Variants in MXI1 observed in about 807,000 individuals in gnomAD.
MXI1 encodes MAX interactor 1, dimerization protein.
MXI1 carries 18 observed loss-of-function variants against 36.9 expected under a neutral mutation model. The ratio of observed to expected loss-of-function variants is 0.49; its 90% CI spans 0.34 to 0.72. The LOEUF (loss-of-function observed/expected upper bound fraction) is 0.72, where lower values mean the gene tolerates loss of function less well. MXI1 is among the 30% of genes least tolerant of loss of function. The pLI, the probability that MXI1 is intolerant of heterozygous loss-of-function variation, is 0.01. For missense variants in MXI1, 304 were observed against 379.1 expected, an observed-to-expected ratio of 0.80 and a Z score of 1.64; for synonymous variants, 160 against 146.7, an observed-to-expected ratio of 1.09 and a Z score of -0.65.
intron 5 of MXI1, 80 bp downstream of exon 5, chr10:110,280,165 G>A: frequency 8.1e-7 from 1 of 1,241,914 alleles, no homozygotes; most frequent in Non-Finnish European, 1.1e-6. Flanking sequence ...GGGAGGCACT[G>A]TATTTGCTTT....
At chr10:110,228,104 T>C (rs1334757081) in intron 1 of MXI1, 85 bp from the exon 2 acceptor site, 2 of 1,486,448 alleles carry the variant, frequency 1.3e-6, no homozygotes, top group African/African-American at 2.8e-5. Flanking sequence ...CAAAAACCTG[T>C]TACTGCAAAG....
At chr10:110,264,191 A>T (rs1241266583) in intron 3 of MXI1, among the ~76,000 whole-genome samples, 1 of 152,108 alleles carries the variant, frequency 6.6e-6, no homozygotes, top group African/African-American at 2.4e-5. Context: ...GCTGTGAAGC[A>T]ATTAGAGATA....
chr10:110,208,445 C>G (rs1266024755), intron 1 of MXI1: 1 of 164,422 alleles, frequency 6.1e-6, no homozygotes, highest in African/African-American at 2.5e-5. Context: ...TTTTCCGGAG[C>G]CTTCTCAGGC....
chr10:110,271,541 CCTG>C (rs1420433625), intron 3 of MXI1, among the ~76,000 whole-genome samples: 1 of 152,060 alleles, frequency 6.6e-6, no homozygotes, highest in Admixed American at 6.5e-5. Flanking sequence ...TTGGCCATGG[CCTG>C]AAAATGAGTT....
At chr10:110,260,513 A>G (rs1048837759) in intron 3 of MXI1, among the ~76,000 whole-genome samples, 2 of 151,806 alleles carry the variant, frequency 1.3e-5, no homozygotes, top group African/African-American at 4.8e-5. Flanking sequence ...ACACACACAC[A>G]TGAAATGAAA....
At chr10:110,264,220 A>G (rs1038018024) in intron 3 of MXI1, among the ~76,000 whole-genome samples, 1 of 152,200 alleles carries the variant, frequency 6.6e-6, no homozygotes, top group African/African-American at 2.4e-5. Context: ...TTAAAAAGAA[A>G]GTAATTTATA....
At chr10:110,225,496 C>G (rs1310489253) in intron 1 of MXI1, among the ~76,000 whole-genome samples, 2 of 152,208 alleles carry the variant, frequency 1.3e-5, no homozygotes, top group African/African-American at 4.8e-5. Context: ...TTTCCAGTTT[C>G]TGTGTGCGCT....
intron 2 of MXI1, among the ~76,000 whole-genome samples, chr10:110,237,298 A>G (rs1238871623): frequency 6.6e-6 from 1 of 152,204 alleles, no homozygotes; most frequent in Non-Finnish European, 1.5e-5. Flanking sequence ...GAAAAAATGC[A>G]TTCTTTGACC....
intron 1 of MXI1, among the ~76,000 whole-genome samples, chr10:110,216,503 A>G (rs1280187607): frequency 6.6e-6 from 1 of 151,938 alleles, no homozygotes; most frequent in African/African-American, 2.4e-5. Context: ...AGGTTTTAGA[A>G]CTTCACTTGT....
intron 1 of MXI1, 23 bp downstream of exon 1, chr10:110,208,105 T>C: frequency 1.3e-6 from 2 of 1,560,930 alleles, no homozygotes; most frequent in Non-Finnish European, 1.7e-6. Context: ...GCCCCTGCTC[T>C]TCCTCGGCGC....
chr10:110,238,958 T>A (rs897265786), intron 2 of MXI1, among the ~76,000 whole-genome samples: 37 of 152,340 alleles, frequency 2.4e-4, no homozygotes, highest in African/African-American at 8.7e-4. Flanking sequence ...TGTATTGTAA[T>A]TTTTGTATTT....
chr10:110,275,251 C>T (rs1017250641), intron 3 of MXI1, among the ~76,000 whole-genome samples: 7 of 152,116 alleles, frequency 4.6e-5, no homozygotes, highest in Non-Finnish European at 1.0e-4. Flanking sequence ...CAAAGTCTTA[C>T]AGCACCCATG....
chr10:110,228,378 T>C, intron 2 of MXI1, 57 bp downstream of exon 2: 3 of 1,604,060 alleles, frequency 1.9e-6, no homozygotes, highest in Non-Finnish European at 2.6e-6. Context: ...ACATTTCTCC[T>C]GTAATCCCAA....
At chr10:110,264,513 C>G (rs1298279046) in intron 3 of MXI1, among the ~76,000 whole-genome samples, 2 of 151,766 alleles carry the variant, frequency 1.3e-5, no homozygotes, top group Admixed American at 1.3e-4. Context: ...TTACAGGCAC[C>G]CGCCACCACA....
chr10:110,217,553 C>G (rs564873496), intron 1 of MXI1, among the ~76,000 whole-genome samples: 1 of 152,296 alleles, frequency 6.6e-6, no homozygotes, highest in South Asian at 2.1e-4. Flanking sequence ...ACCGTCCTGC[C>G]ATATTTCTTG....
rs1855089774 is a variant in MXI1, at chr10:110,227,454, A to G, written c.275-735A>G. ...TGGGTGTGCGGCGAGCGGGAAGGAG[A>G]CGGGTGGAGGGAAGTTGGAGAGAGG... On this transcript the variant is annotated intron_variant, in intron 1 of 5. Transcript: ENST00000332674. The G allele has an allele frequency of 8.1e-6, 8 of 986,950 alleles. No individual in the cohort carries two copies. In the South Asian group the frequency reaches 3.1e-4, roughly 39 times the overall value. 61.1% of individuals were successfully genotyped at this position (986,950 alleles called of 1,614,324 possible).
rs1857423326 is a variant in MXI1, at chr10:110,286,258, TCA to T, written c.*1274_*1275del. ...TTCCTACAGGCAGTCTCTCTCTTCC[TCA>T]CAGTCCCACTGTGCAGGTGCTATTG... is the stretch of plus-strand genomic sequence containing the variant. On this transcript the variant is annotated 3_prime_UTR_variant, in exon 6 of 6. Transcript: ENST00000332674. 2 of 152,664 alleles carry T rather than the reference TCA, an allele frequency of 1.3e-5. No individual in the cohort carries two copies. Among genetic ancestry groups the T allele is most frequent in the Admixed American group, 6.5e-5 (1 of 15,284 alleles). 9.5% of individuals were successfully genotyped at this position (152,664 alleles called of 1,614,324 possible). A position where few individuals can be genotyped will look rare whatever the true frequency, so the allele number is the denominator to read the frequency against.
chr10:110,250,353 A>G (rs771740819), intron 3 of MXI1, among the ~76,000 whole-genome samples: 1 of 152,190 alleles, frequency 6.6e-6, no homozygotes, highest in Non-Finnish European at 1.5e-5. Flanking sequence ...TATGTGAATC[A>G]TCTCATGGTA....
At chr10:110,225,811 C>A (rs1040484644) in intron 1 of MXI1, among the ~76,000 whole-genome samples, 42 of 152,344 alleles carry the variant, frequency 2.8e-4, no homozygotes, top group African/African-American at 9.1e-4. Flanking sequence ...CCCAGCGGGA[C>A]TACACCTTCC....
Sources: gnomAD v4.1 joint callset for allele counts (sites outside exome capture counted in the v4.1 genomes callset) on GRCh38, gnomAD v4.1.1 for gene constraint, MANE v1.5 for transcripts, NCBI Gene and HGNC (gene_info 2026-07-23, HGNC 2026-07-21) for gene names.